CIMIP1: variants seen among roughly 807,000 people sequenced by gnomAD.
CIMIP1 encodes ciliary microtubule inner protein 1, also known as low in lung cancer 1.
chr20:58,154,378 T>C, the CIMIP1 span, among the ~76,000 whole-genome samples: 2 of 152,252 alleles, frequency 1.3e-5, no homozygotes, highest in Non-Finnish European at 2.9e-5. Context: ...TGAAATTTTC[T>C]GAGTCTAGAA....
chr20:58,160,867 G>C, the CIMIP1 span: 1 of 1,575,150 alleles, frequency 6.3e-7, no homozygotes, highest in Non-Finnish European at 8.6e-7. Flanking sequence ...TCGGTCACCA[G>C]GCACCCAGGG....
the CIMIP1 span, chr20:58,155,508 A>G: frequency 2.5e-6 from 4 of 1,614,168 alleles, no homozygotes; most frequent in Admixed American, 3.3e-5. Flanking sequence ...CCAAAGCCCA[A>G]AATCGAGCTT....
the CIMIP1 span, among the ~76,000 whole-genome samples, chr20:58,151,331 A>G: frequency 2.0e-5 from 3 of 150,876 alleles, no homozygotes; most frequent in Admixed American, 2.0e-4. Context: ...TCCAACTAAC[A>G]TGTTCATGTT....
At chr20:58,153,608 A>T in the CIMIP1 span, 4 of 1,613,372 alleles carry the variant, frequency 2.5e-6, no homozygotes, top group Middle Eastern at 1.7e-4. Context: ...GGGGTTTTTA[A>T]CAACCCCTTT....
At chr20:58,158,781 G>C in the CIMIP1 span, among the ~76,000 whole-genome samples, 4 of 152,142 alleles carry the variant, frequency 2.6e-5, no homozygotes, top group Non-Finnish European at 5.9e-5. Context: ...AAGGGCATCT[G>C]ATGAGATGCC....
the CIMIP1 span, chr20:58,160,904 CT>C: frequency 6.8e-7 from 1 of 1,477,794 alleles, no homozygotes. Flanking sequence ...AAGAGCTCCC[CT>C]GAATCCCGAG....
the CIMIP1 span, among the ~76,000 whole-genome samples, chr20:58,158,983 A>G: frequency 6.6e-6 from 1 of 152,104 alleles, no homozygotes; most frequent in Non-Finnish European, 1.5e-5. Flanking sequence ...CACACCACAC[A>G]TTGCATGGAT....
chr20:58,150,904 G>C, the CIMIP1 span: 1 of 1,520,624 alleles, frequency 6.6e-7, no homozygotes, highest in Non-Finnish European at 8.9e-7. Context: ...GGTCTCCCAG[G>C]AGACGCGAGA....
chr20:58,155,609 C>A, the CIMIP1 span: 1 of 1,519,164 alleles, frequency 6.6e-7, no homozygotes, highest in South Asian at 1.1e-5. Context: ...TTAAAATACT[C>A]ATTTTCCTAA....
chr20:58,155,132 C>T, the CIMIP1 span, among the ~76,000 whole-genome samples: 14 of 152,292 alleles, frequency 9.2e-5, no homozygotes, highest in African/African-American at 1.4e-4. Flanking sequence ...AACTTGAGTC[C>T]GTAACTGGTA....
chr20:58,160,721 G>C, the CIMIP1 span: 3 of 1,614,178 alleles, frequency 1.9e-6, no homozygotes, highest in Non-Finnish European at 2.5e-6. Flanking sequence ...GAGATCTGCA[G>C]TGCCAGGCCT....
chr20:58,154,157 C>CA, the CIMIP1 span, among the ~76,000 whole-genome samples: 28 of 152,302 alleles, frequency 1.8e-4, no homozygotes, highest in African/African-American at 6.7e-4. Context: ...CTAAAGATGA[C>CA]AAGTCCAGAA....
the CIMIP1 span, among the ~76,000 whole-genome samples, chr20:58,155,044 A>C: frequency 6.6e-6 from 1 of 152,198 alleles, no homozygotes; most frequent in South Asian, 2.1e-4. Flanking sequence ...GAGCTCAAGC[A>C]ATCCTCCCAC....
At chr20:58,156,506 G>C in the CIMIP1 span, among the ~76,000 whole-genome samples, 1 of 152,106 alleles carries the variant, frequency 6.6e-6, no homozygotes, top group Non-Finnish European at 1.5e-5. Context: ...AAGTGGGCAG[G>C]CTAGAAGAAG....
chr20:58,156,060 G>A, the CIMIP1 span, among the ~76,000 whole-genome samples: 4 of 152,208 alleles, frequency 2.6e-5, no homozygotes, highest in Non-Finnish European at 5.9e-5. Context: ...AGGCTGCCCA[G>A]CATGTTTAGA....
chr20:58,160,611 T>G, the CIMIP1 span: 12 of 1,578,296 alleles, frequency 7.6e-6, no homozygotes, highest in Admixed American at 2.1e-4. Context: ...GCTGGGTGCC[T>G]CGTGTCTCTG....
the CIMIP1 span, among the ~76,000 whole-genome samples, chr20:58,155,172 G>A: frequency 6.6e-6 from 1 of 152,242 alleles, no homozygotes; most frequent in Non-Finnish European, 1.5e-5. Context: ...CACAGGGGAT[G>A]TAAATCAGGA....
chr20:58,151,783 C>G, the CIMIP1 span, among the ~76,000 whole-genome samples: 4 of 151,960 alleles, frequency 2.6e-5, no homozygotes, highest in Admixed American at 2.6e-4. Context: ...CATGAAAATC[C>G]CTTGATTCTC....
At chr20:58,153,445 C>T in the CIMIP1 span, 10 of 900,814 alleles carry the variant, frequency 1.1e-5, no homozygotes, top group African/African-American at 1.2e-4. Flanking sequence ...TGGTGCAGAA[C>T]CACTGCCCAG....
Sources: gnomAD v4.1 joint callset for allele counts (sites outside exome capture counted in the v4.1 genomes callset) on GRCh38, gnomAD v4.1.1 for gene constraint, MANE v1.5 for transcripts, NCBI Gene and HGNC (gene_info 2026-07-23, HGNC 2026-07-21) for gene names.